PCDHGA3: variants seen among roughly 807,000 people sequenced by gnomAD.
PCDHGA3 encodes the protein protocadherin gamma subfamily A, 3.
In PCDHGA3, 40 loss-of-function variants were observed where a neutral mutation model predicts 58.5. The ratio of observed to expected loss-of-function variants is 0.68; its 90% CI spans 0.53 to 0.89. The LOEUF is 0.89. Ranked by LOEUF, PCDHGA3 falls within the 40% of genes least tolerant of loss-of-function variation. The pLI, the probability that PCDHGA3 is intolerant of heterozygous loss-of-function variation, is 0.00. For synonymous variants in PCDHGA3, 530 were observed against 525.7 expected (o/e 1.01, Z -0.11); for missense variants, 1,223 against 1,195.9 (o/e 1.02, Z -0.33).
Position 141,395,079 on chromosome 5 carries a change from G to A in PCDHGA3, c.2424+48622G>A, listed in dbSNP as rs777930721. On this transcript the variant is annotated intron_variant, in intron 1 of 3. Coordinates refer to ENST00000253812, the MANE Select transcript of PCDHGA3 (RefSeq NM_018916.4). ...GGCTTTCCTGCAGACCTATTCCCAG[G>A]AAGTCTCCCTCACCGCCGACTCGCG... 4.0e-5 allele frequency: 65 copies of A among 1,614,024 alleles called. 1 individual carries two copies. In the Middle Eastern group the frequency reaches 6.6e-4, roughly 16 times the overall value.
At chr5:141,371,952 T>A in intron 1 of PCDHGA3, 1 of 1,613,260 alleles carries the variant, frequency 6.2e-7, no homozygotes. Flanking sequence ...GCAGCGAGCC[T>A]TCGACCACGA....
rs376415955 is a variant in PCDHGA3, at chr5:141,432,082, C to T, written c.2425-62725C>T. ...CCACGGAAACTCATATCTCGCTGAACGTGGCAGACACCAACGACAACCCGC... is the reference window on the plus strand; with the variant it reads ...CCACGGAAACTCATATCTCGCTGAATGTGGCAGACACCAACGACAACCCGC... On this transcript the variant is annotated intron_variant, in intron 1 of 3. Transcript: ENST00000253812. This position sits in a 1 kb window ranked among gnomAD's most constrained non-coding sequence, Gnocchi z 6.0. The T allele has an allele frequency of 3.1e-6, 5 of 1,614,184 alleles. No homozygotes were observed. Among genetic ancestry groups the T allele is most frequent in the Non-Finnish European group, 4.2e-6 (5 of 1,180,028 alleles).
chr5:141,362,840 T>C (rs1762699697), intron 1 of PCDHGA3, among the ~76,000 whole-genome samples: 1 of 152,282 alleles, frequency 6.6e-6, no homozygotes, highest in East Asian at 1.9e-4. Flanking sequence ...ATTGAGACTT[T>C]AGGCAATTAG....
chr5:141,497,573 T>C (rs1231425210), intron 2 of PCDHGA3, among the ~76,000 whole-genome samples: 1 of 149,502 alleles, frequency 6.7e-6, no homozygotes, highest in South Asian at 2.1e-4. Context: ...AGAGTCTTGC[T>C]CTGTTGCCCA....
intron 1 of PCDHGA3, chr5:141,382,673 A>G: frequency 2.3e-6 from 1 of 437,012 alleles, no homozygotes; most frequent in Non-Finnish European, 4.0e-6. Context: ...GCCGCTGTTC[A>G]CCAACCAGGG....
chr5:141,375,096 T>C lies in PCDHGA3; in HGVS notation c.2424+28639T>C, dbSNP rs764268392. 1.9e-5 allele frequency: 30 copies of C among 1,613,836 alleles called. No homozygotes were observed. The highest frequency in any genetic ancestry group is 2.5e-5 in the Non-Finnish European group (29 of 1,179,900). ...AGAGCGAAAGTCTTAATAACTATCT[T>C]GGATGTCAATGATAATGTACCAGAA... is the stretch of plus-strand genomic sequence containing the variant. On this transcript the variant is annotated intron_variant, in intron 1 of 3. Coordinates refer to ENST00000253812, the MANE Select transcript of PCDHGA3 (RefSeq NM_018916.4).
At chr5:141,376,042 T>G (rs768343920) in intron 1 of PCDHGA3, 34 of 1,613,010 alleles carry the variant, frequency 2.1e-5, no homozygotes, top group Middle Eastern at 1.7e-4. Flanking sequence ...GCCAGCCCCC[T>G]CTCTCCGCCA....
intron 1 of PCDHGA3, chr5:141,409,242 T>C (rs372196346): frequency 1.4e-5 from 22 of 1,613,864 alleles, no homozygotes; most frequent in Middle Eastern, 1.6e-4. Context: ...AGCCCAGAAA[T>C]AATCATCACT....
Position 141,370,893 on chromosome 5 carries a change from C to G in PCDHGA3, c.2424+24436C>G, listed in dbSNP as rs116495533. On this transcript the variant is annotated intron_variant, in intron 1 of 3. Coordinates refer to ENST00000253812, the MANE Select transcript of PCDHGA3 (RefSeq NM_018916.4). ...AGATCCTGATGTAGGTGTCAATTCG[C>G]TGCAGCAGTACTACCTCAGCCCTGA... The G allele has an allele frequency of 1.9e-3, 3,002 of 1,614,052 alleles. 48 individuals carry two copies. In the African/African-American group the frequency reaches 0.033, roughly 18 times the overall value.
intron 1 of PCDHGA3, chr5:141,357,650 A>G: frequency 6.2e-7 from 1 of 1,608,974 alleles, no homozygotes; most frequent in Non-Finnish European, 8.5e-7. Flanking sequence ...AGATCATACC[A>G]CACTGAAATA....
At position 141,432,299 on chromosome 5, in the gene PCDHGA3, C is replaced by G; in HGVS notation, c.2425-62508C>G. ...GTCCATCAACTCCGACACTGGGGTA[C>G]TGTATGCGCTGAGCTCCTTCGACTA... is the stretch of plus-strand genomic sequence containing the variant. On this transcript the variant is annotated intron_variant, in intron 1 of 3. Transcript: ENST00000253812. This position sits in a 1 kb window ranked among gnomAD's most constrained non-coding sequence, Gnocchi z 6.0. The G allele has an allele frequency of 2.5e-6, 4 of 1,614,278 alleles. No homozygotes were observed. The highest frequency in any genetic ancestry group is 3.4e-6 in the Non-Finnish European group (4 of 1,180,056).
In PCDHGA3 at chr5:141,384,194, T is replaced by A. The variant is rs763395046; in HGVS notation, c.2424+37737T>A. 4.3e-6 allele frequency: 7 copies of A among 1,613,674 alleles called. No homozygotes were observed. In the East Asian group the frequency reaches 1.3e-4, roughly 31 times the overall value. ...GCCACAGATGGTGGAACTCCTCCCT[T>A]GTCCAGGGAAACTCACATATTCATG... On this transcript the variant is annotated intron_variant, in intron 1 of 3. Transcript: ENST00000253812.
rs543335678 is a variant in PCDHGA3 at position 141,365,777 on chromosome 5, G to A, written c.2424+19320G>A. ...GACAGCCCATGACCCCGACAGCGGC[G>A]ACAACGCTCGAGTCACCTACTCCCT... On this transcript the variant is annotated intron_variant, in intron 1 of 3. Transcript: ENST00000253812. 6.8e-6 allele frequency: 11 copies of A among 1,613,736 alleles called. No homozygotes were observed. In the South Asian group the frequency reaches 9.9e-5, roughly 14 times the overall value.
At position 141,487,688 on chromosome 5, in the gene PCDHGA3, G is replaced by A. The variant is rs376927186; in HGVS notation, c.2425-7119G>A. On this transcript the variant is annotated intron_variant, in intron 1 of 3. Coordinates refer to ENST00000253812, the MANE Select transcript of PCDHGA3 (RefSeq NM_018916.4). The surrounding 1 kb of genome is among the most constrained non-coding windows in gnomAD (Gnocchi z 5.0). ...AGGCATATGGCTAGGCCATGTCCTA[G>A]AGAGTACTGGCCTCTCAGTAAGTGC... 6.2e-7 allele frequency: 1 copy of A among 1,604,966 alleles called. No homozygotes were observed.
chr5:141,461,595 A>C (rs2099018386), intron 1 of PCDHGA3, among the ~76,000 whole-genome samples: 1 of 152,144 alleles, frequency 6.6e-6, no homozygotes, highest in East Asian at 1.9e-4. Flanking sequence ...TATTTCCATT[A>C]TAATTTAGTT....
At chr5:141,389,404 C>T in intron 1 of PCDHGA3, 3 of 1,613,616 alleles carry the variant, frequency 1.9e-6, no homozygotes, top group Non-Finnish European at 2.5e-6. Context: ...TCCATAAGCG[C>T]GGAGAGCGGG....
intron 1 of PCDHGA3, chr5:141,374,321 C>T (rs763545631): frequency 8.7e-6 from 14 of 1,613,942 alleles, no homozygotes; most frequent in Non-Finnish European, 5.1e-6. Context: ...TCTGAATCCG[C>T]GAAACGGCAG....
At chr5:141,410,560 A>C (rs769354927) in intron 1 of PCDHGA3, 42 of 1,612,824 alleles carry the variant, frequency 2.6e-5, no homozygotes, top group Non-Finnish European at 3.5e-5. Context: ...TTTCTCCTGG[A>C]GCCTTAATTC....
chr5:141,468,464 TC>T (rs2099167734), intron 1 of PCDHGA3: 2 of 152,174 alleles, frequency 1.3e-5, no homozygotes, highest in Admixed American at 1.3e-4. Flanking sequence ...GCAAGTTATT[TC>T]TGAGGAGAAT....
Sources: allele counts gnomAD v4.1 joint callset (sites outside exome capture counted in the v4.1 genomes callset), GRCh38; gene constraint gnomAD v4.1.1; non-coding constraint Gnocchi (gnomAD v3.1); transcripts MANE v1.5; gene names NCBI Gene and HGNC (gene_info 2026-07-23, HGNC 2026-07-21).